Variants in SLC36A1 observed in about 807,000 individuals in gnomAD.
The protein encoded by SLC36A1 is proton-coupled amino acid transporter 1.
Under a neutral mutation model 47.5 loss-of-function variants are expected in SLC36A1, and 30 were observed. The observed-to-expected ratio is 0.63, with a 90% CI of 0.47 to 0.86. SLC36A1 has a LOEUF of 0.86. SLC36A1 is among the 40% of genes least tolerant of loss of function. The pLI, the probability that SLC36A1 is intolerant of heterozygous loss-of-function variation, is 0.00. For missense variants in SLC36A1, 517 were observed against 606.0 expected, an observed-to-expected ratio of 0.85 and a Z score of 1.54; for synonymous variants, 255 against 249.7, an observed-to-expected ratio of 1.02 and a Z score of -0.20.
At chr5:151,529,440 A>G in the SLC36A1 span, 3 of 1,548,000 alleles carry the variant, frequency 1.9e-6, no homozygotes, top group East Asian at 2.2e-5. Context: ...TGGGCCCTCA[A>G]AGGCGCAGGA....
rs377427045 is a variant in SLC36A1 at position 151,464,552 on chromosome 5, C to T, written c.273C>T (p.Ala91=). 3.1e-5 allele frequency: 50 copies of T among 1,613,946 alleles called. No homozygotes were observed. The highest frequency in any genetic ancestry group is 8.0e-5 in the African/African-American group (6 of 74,912). ...GCCTGCTGATCATAGGCATCGTGGCCGTGCACTGCATGGGTATCCTGGTGA... is the reference window on the plus strand; with the variant it reads ...GCCTGCTGATCATAGGCATCGTGGCTGTGCACTGCATGGGTATCCTGGTGA... ...PISLLIIGIV[A]VHCMGILVKC... is the part of the protein sequence containing the mutation. Residue 91 remains alanine, a synonymous_variant, in exon 4 of 11, where the codon GCC becomes GCT. Coordinates refer to ENST00000243389, the MANE Select transcript of SLC36A1 (RefSeq NM_078483.4).
the SLC36A1 span, among the ~76,000 whole-genome samples, chr5:151,413,040 G>A: frequency 7.2e-6 from 1 of 139,304 alleles, no homozygotes; most frequent in Non-Finnish European, 1.6e-5. Context: ...ATTGCTAAAT[G>A]TTTATCTTTC....
the SLC36A1 span, among the ~76,000 whole-genome samples, chr5:151,399,084 AT>A: frequency 0.036 from 2,166 of 59,892 alleles, 25 homozygotes; most frequent in Admixed American, 0.078. Flanking sequence ...ATATATATAT[AT>A]TTTTTTTTTT....
the SLC36A1 span, chr5:151,406,601 A>G: frequency 6.6e-6 from 1 of 152,230 alleles, no homozygotes; most frequent in African/African-American, 2.4e-5. Context: ...GGCTACCTTA[A>G]AACTGGACTT....
chr5:151,467,692 T>C lies in SLC36A1; in HGVS notation c.505-15T>C. On this transcript the variant is annotated splice_polypyrimidine_tract_variant and intron_variant, in intron 6 of 10. Coordinates refer to ENST00000243389, the MANE Select transcript of SLC36A1 (RefSeq NM_078483.4). ...TTGAGAGGTGTTTCCGTTTTCTTCC[T>C]TCCCCTCATTCTAGGTGATAGAAGC... 6.2e-7 allele frequency: 1 copy of C among 1,608,322 alleles called. No homozygotes were observed. The highest frequency in any genetic ancestry group is 8.5e-7 in the Non-Finnish European group (1 of 1,174,898).
Position 151,488,283 on chromosome 5 carries a change from AC to A in SLC36A1, c.*33del. 6.2e-7 allele frequency: 1 copy of A among 1,606,232 alleles called. No individual in the cohort carries two copies. The highest frequency in any genetic ancestry group is 8.5e-7 in the Non-Finnish European group (1 of 1,175,476). On this transcript the variant is annotated 3_prime_UTR_variant, in exon 11 of 11. Transcript: ENST00000243389. Reference sequence around the variant, plus strand: ...TCTGGGTTCGTCTCTGCAGCTGCCTACCCCTGCCCCATGTGTCCCCCGTTAC... The same window carrying A: ...TCTGGGTTCGTCTCTGCAGCTGCCTACCCTGCCCCATGTGTCCCCCGTTAC...
rs1415596216 is a variant in SLC36A1, at chr5:151,468,297, T to A, written c.723+372T>A. Among the ~76,000 whole-genome samples, 147 of 57,252 alleles carry A rather than the reference T, an allele frequency of 2.6e-3. 2 individuals are homozygous for A. Among genetic ancestry groups the A allele is most frequent in the African/African-American group, 6.6e-3 (112 of 16,952 alleles). 37.6% of individuals were successfully genotyped at this position (57,252 alleles called of 152,430 possible). A position where few individuals can be genotyped will look rare whatever the true frequency, so the allele number is the denominator to read the frequency against. ...TATATATATATATATATATATATTT[T>A]ATATATATATATTTACATATATGTG... On this transcript the variant is annotated intron_variant, in intron 7 of 10. Coordinates refer to ENST00000243389, the MANE Select transcript of SLC36A1 (RefSeq NM_078483.4).
At chr5:151,556,012 C>T in the SLC36A1 span, among the ~76,000 whole-genome samples, 5 of 152,130 alleles carry the variant, frequency 3.3e-5, no homozygotes, top group Middle Eastern at 3.2e-3. Context: ...AGTGTTTGAC[C>T]GAGAATGATT....
the SLC36A1 span, chr5:151,504,049 G>C: frequency 6.6e-6 from 1 of 152,312 alleles, no homozygotes; most frequent in Non-Finnish European, 1.5e-5. Context: ...GTGGACCCTT[G>C]CATCGTTCCC....
chr5:151,517,730 G>A, the SLC36A1 span: 16 of 1,614,038 alleles, frequency 9.9e-6, no homozygotes, highest in Non-Finnish European at 7.6e-6. Flanking sequence ...GCCCTGTACC[G>A]CACATAGCTC....
chr5:151,477,956 A>T (rs985966116), intron 9 of SLC36A1, among the ~76,000 whole-genome samples: 1 of 152,190 alleles, frequency 6.6e-6, no homozygotes. Context: ...TTATTTGGCT[A>T]TCCCTGCAGG....
At chr5:151,546,322 A>G in the SLC36A1 span, 889 of 1,612,610 alleles carry the variant, frequency 5.5e-4, 3 homozygotes, top group African/African-American at 0.011. Context: ...GATGTTGAAG[A>G]AACCTTCGCT....
At chr5:151,548,442 C>T in the SLC36A1 span, among the ~76,000 whole-genome samples, 1 of 152,034 alleles carries the variant, frequency 6.6e-6, no homozygotes, top group Admixed American at 6.6e-5. Flanking sequence ...GTAATAGCCC[C>T]TGGCATTTGT....
At chr5:151,512,144 G>A in the SLC36A1 span, 1 of 1,602,060 alleles carries the variant, frequency 6.2e-7, no homozygotes, top group East Asian at 2.2e-5. The surrounding 1 kb of genome is among the most constrained non-coding windows in gnomAD (Gnocchi z 4.1). Flanking sequence ...CCTGGGTTCA[G>A]CCTGGCACCC....
At chr5:151,472,603 G>A (rs1224357188) in intron 7 of SLC36A1, among the ~76,000 whole-genome samples, 2 of 152,130 alleles carry the variant, frequency 1.3e-5, no homozygotes, top group African/African-American at 4.8e-5. Flanking sequence ...CTCCCCACAT[G>A]TTCCAGCACT....
chr5:151,467,559 G>GA, intron 6 of SLC36A1, 148 bp from the exon 7 acceptor site: 2 of 692,486 alleles, frequency 2.9e-6, no homozygotes, highest in Non-Finnish European at 2.5e-6. Flanking sequence ...TAGTCGTGAA[G>GA]TTCTCTAAAG....
the SLC36A1 span, among the ~76,000 whole-genome samples, chr5:151,547,904 C>T: frequency 6.6e-6 from 1 of 152,120 alleles, no homozygotes; most frequent in African/African-American, 2.4e-5. Flanking sequence ...GTTCTTTATA[C>T]ATTCCTGTAT....
the SLC36A1 span, among the ~76,000 whole-genome samples, chr5:151,527,841 CA>C: frequency 6.6e-6 from 1 of 152,164 alleles, no homozygotes; most frequent in Non-Finnish European, 1.5e-5. Context: ...TCACAGTCCA[CA>C]GAGGCCCCAC....
At chr5:151,500,002 C>T in the SLC36A1 span, among the ~76,000 whole-genome samples, 7 of 152,042 alleles carry the variant, frequency 4.6e-5, no homozygotes, top group African/African-American at 1.2e-4. Flanking sequence ...TGTAGGGCTT[C>T]GGGAGAGGCC....
Sources: allele counts gnomAD v4.1 joint callset (sites outside exome capture counted in the v4.1 genomes callset), GRCh38; gene constraint gnomAD v4.1.1; non-coding constraint Gnocchi (gnomAD v3.1); transcripts MANE v1.5; gene names NCBI Gene and HGNC (gene_info 2026-07-23, HGNC 2026-07-21).